SPECC1: variants seen among roughly 807,000 people sequenced by gnomAD.
SPECC1 encodes the protein cytospin-B.
Under a neutral mutation model 104.1 loss-of-function variants are expected in SPECC1, and 62 were observed. The observed-to-expected ratio is 0.60, with a 90% CI of 0.49 to 0.74. The LOEUF (loss-of-function observed/expected upper bound fraction) is 0.74. Ranked by LOEUF, SPECC1 falls within the 30% of genes least tolerant of loss-of-function variation. SPECC1 has a pLI of 0.00. For synonymous variants in SPECC1, 513 were observed against 501.6 expected (o/e 1.02, Z -0.30); for missense variants, 1,306 against 1,310.5 (o/e 1.00, Z 0.05).
intron 7 of SPECC1, among the ~76,000 whole-genome samples, chr17:20,245,697 A>G (rs1252401548): frequency 6.6e-6 from 1 of 152,218 alleles, no homozygotes; most frequent in Non-Finnish European, 1.5e-5. Flanking sequence ...ACATATAAAA[A>G]TAATTATTTC....
chr17:20,209,368 A>G lies in SPECC1; in HGVS notation c.1863+3456A>G, dbSNP rs1047375317. On this transcript the variant is annotated intron_variant, in intron 4 of 14. Coordinates refer to ENST00000395527, the MANE Select transcript of SPECC1 (RefSeq NM_001243439.2). ...GGGGAAAGTGGTGCCAAACCATCCT[A>G]TGATCTAATAGATTCCGTAAATCTA... Among the ~76,000 whole-genome samples the G allele has an allele frequency of 7.2e-5, 11 of 152,230 alleles. No homozygotes were observed. The East Asian group carries it at 9.6e-4, about 13-fold the overall frequency.
At chr17:20,018,321 T>A (rs1177456274) in intron 1 of SPECC1, among the ~76,000 whole-genome samples, 2 of 152,248 alleles carry the variant, frequency 1.3e-5, no homozygotes, top group African/African-American at 4.8e-5. Context: ...AGGTTTCTTT[T>A]GATTTAGTGT....
rs180751589 is a variant in SPECC1, at chr17:20,095,065, G to A, written c.-21-1566G>A. The stretch of plus-strand genomic sequence containing the variant: ...AGTAATTCTCTTCAAGAGTCACTCC[G>A]GCTCTGTTCATTCATTTTATATTGG... On this transcript the variant is annotated intron_variant, in intron 1 of 14. Coordinates refer to ENST00000395527, the MANE Select transcript of SPECC1 (RefSeq NM_001243439.2). 9.3e-4 allele frequency among the ~76,000 whole-genome samples: 141 copies of A among 152,232 alleles called. 1 individual carries two copies. Among genetic ancestry groups the A allele is most frequent in the East Asian group, 2.9e-3 (15 of 5,180 alleles).
chr17:20,222,206 A>C (rs566604266), intron 4 of SPECC1, among the ~76,000 whole-genome samples: 1 of 152,058 alleles, frequency 6.6e-6, no homozygotes, highest in Admixed American at 6.5e-5. Context: ...GGTGGCATGC[A>C]CCTGTAGTCC....
chr17:20,064,619 G>A (rs1269498922), intron 1 of SPECC1, among the ~76,000 whole-genome samples: 2 of 152,144 alleles, frequency 1.3e-5, no homozygotes, highest in African/African-American at 4.8e-5. Context: ...TCAAGGTCAT[G>A]CTACATGACC....
At chr17:20,114,412 G>C (rs2048650619) in intron 3 of SPECC1, among the ~76,000 whole-genome samples, 1 of 151,786 alleles carries the variant, frequency 6.6e-6, no homozygotes, top group Non-Finnish European at 1.5e-5. Flanking sequence ...GGATGGTCTT[G>C]ATCTACTGAC....
chr17:20,184,578 G>A (rs2035133411), intron 3 of SPECC1, among the ~76,000 whole-genome samples: 1 of 152,194 alleles, frequency 6.6e-6, no homozygotes, highest in African/African-American at 2.4e-5. Context: ...AGCTGAAGCT[G>A]TGTGATCTTG....
At chr17:20,069,244 T>C (rs532962355) in intron 1 of SPECC1, among the ~76,000 whole-genome samples, 1 of 152,398 alleles carries the variant, frequency 6.6e-6, no homozygotes, top group African/African-American at 2.4e-5. Flanking sequence ...CTGAGGATAA[T>C]GACCTCCAGC....
chr17:20,119,230 C>T (rs974976235), intron 3 of SPECC1, among the ~76,000 whole-genome samples: 1 of 152,146 alleles, frequency 6.6e-6, no homozygotes, highest in African/African-American at 2.4e-5. Flanking sequence ...GTTTCTGAAG[C>T]TTTTATTTTT....
intron 4 of SPECC1, among the ~76,000 whole-genome samples, chr17:20,218,054 A>T (rs1329277897): frequency 6.6e-6 from 1 of 152,226 alleles, no homozygotes. Context: ...AAACTAAAAA[A>T]TAGTAAAGTC....
chr17:20,294,474 G>A (rs1463305812), intron 12 of SPECC1, among the ~76,000 whole-genome samples: 1 of 152,168 alleles, frequency 6.6e-6, no homozygotes, highest in Non-Finnish European at 1.5e-5. Context: ...GGAGAAGAGT[G>A]TGGTAGGAAG....
intron 3 of SPECC1, among the ~76,000 whole-genome samples, chr17:20,169,199 CTA>C (rs1221767848): frequency 1.3e-5 from 2 of 152,180 alleles, no homozygotes; most frequent in Non-Finnish European, 2.9e-5. Context: ...TTCATTCACA[CTA>C]TGAACAAAAT....
At position 20,073,832 on chromosome 17, in the gene SPECC1, A is replaced by T. The variant is rs567993765; in HGVS notation, c.-21-22799A>T. On this transcript the variant is annotated intron_variant, in intron 1 of 14. Coordinates refer to ENST00000395527, the MANE Select transcript of SPECC1 (RefSeq NM_001243439.2). ...TCTTGGTGTGACTAAGGCAGTGTGAATACATTCTCCCGTGGTGCATGGACT... is the reference window on the plus strand; with the variant it reads ...TCTTGGTGTGACTAAGGCAGTGTGATTACATTCTCCCGTGGTGCATGGACT... 3 of 152,318 alleles carry T rather than the reference A, an allele frequency of 2.0e-5. No homozygotes were observed. The East Asian group carries it at 5.8e-4, about 29-fold the overall frequency. The allele number at this position is 152,318 out of a possible 1,614,324, so 9.4% of individuals were successfully genotyped here.
chr17:20,276,830 C>G (rs897411218), intron 12 of SPECC1, among the ~76,000 whole-genome samples: 2 of 152,224 alleles, frequency 1.3e-5, no homozygotes, highest in Admixed American at 6.5e-5. Context: ...GAAACAGCCC[C>G]GTCGGCCCCT....
Position 20,245,923 on chromosome 17 carries a change from C to T in SPECC1, c.2352-3C>T, listed in dbSNP as rs1320325291. 1.9e-6 allele frequency: 3 copies of T among 1,614,106 alleles called. No individual in the cohort carries two copies. The highest frequency in any genetic ancestry group is 1.6e-4 in the Middle Eastern group (1 of 6,062). On this transcript the variant is annotated splice_polypyrimidine_tract_variant and splice_region_variant and intron_variant, in intron 7 of 14. Transcript: ENST00000395527. The stretch of plus-strand genomic sequence containing the variant: ...TCAATCTGATTTGCTCTTTGCCATG[C>T]AGACCTGTGGATGAAGAGCCAGAGT...
intron 4 of SPECC1, among the ~76,000 whole-genome samples, chr17:20,207,624 C>A (rs1242130873): frequency 6.6e-6 from 1 of 152,096 alleles, no homozygotes; most frequent in Admixed American, 6.5e-5. Context: ...ATTTTTATTA[C>A]AGACGATTTA....
chr17:20,069,850 CATAA>C (rs1017863388), intron 1 of SPECC1, among the ~76,000 whole-genome samples: 8 of 151,912 alleles, frequency 5.3e-5, no homozygotes, highest in African/African-American at 1.9e-4. Context: ...TATAGTTAAA[CATAA>C]ATATTTTATT....
At chr17:20,242,068 T>C (rs949749214) in intron 7 of SPECC1, among the ~76,000 whole-genome samples, 8 of 152,292 alleles carry the variant, frequency 5.3e-5, no homozygotes, top group Admixed American at 5.2e-4. Flanking sequence ...TTCACAAATA[T>C]TAATCTGCCA....
chr17:20,160,487 C>A (rs1461875424), intron 3 of SPECC1, among the ~76,000 whole-genome samples: 1 of 152,152 alleles, frequency 6.6e-6, no homozygotes, highest in Non-Finnish European at 1.5e-5. Flanking sequence ...AGAGAGCATG[C>A]ATATTGGTAA....
Sources: allele counts gnomAD v4.1 joint callset (sites outside exome capture counted in the v4.1 genomes callset), GRCh38; gene constraint gnomAD v4.1.1; transcripts MANE v1.5; gene names NCBI Gene and HGNC (gene_info 2026-07-23, HGNC 2026-07-21).